ZFAT: variants seen among roughly 807,000 people sequenced by gnomAD.
The protein encoded by ZFAT is zinc finger and AT-hook domain containing, also known as zinc finger protein ZFAT.
In ZFAT, 64 loss-of-function variants were observed where a neutral mutation model predicts 117.7. The ratio of observed to expected loss-of-function variants is 0.54; its 90% confidence interval spans 0.44 to 0.67. ZFAT has a LOEUF of 0.67. Among genes scored for constraint, ZFAT ranks in the 30% least tolerant of loss-of-function variants. The pLI is 0.00. For synonymous variants in ZFAT, 679 were observed against 615.0 expected, an observed-to-expected ratio of 1.10 and a Z score of -1.54; for missense variants, 1,433 against 1,584.5, an observed-to-expected ratio of 0.90 and a Z score of 1.62.
upstream of ZFAT, among the ~76,000 whole-genome samples, chr8:134,716,143 T>TTATATATATA (rs375486869): frequency 2.7e-4 from 39 of 142,204 alleles, no homozygotes; most frequent in African/African-American, 9.5e-4. Flanking sequence ...TAAAATTTAT[T>TTATATATATA]TATATATATA....
At chr8:134,557,861 GCA>G (rs1055391162) in intron 11 of ZFAT, among the ~76,000 whole-genome samples, 2 of 152,160 alleles carry the variant, frequency 1.3e-5, no homozygotes, top group African/African-American at 2.4e-5. Flanking sequence ...ACACATGTAG[GCA>G]CACACACAGA....
chr8:134,577,833 A>T (rs1358819213), intron 10 of ZFAT, among the ~76,000 whole-genome samples: 1 of 152,208 alleles, frequency 6.6e-6, no homozygotes, highest in Non-Finnish European at 1.5e-5. Context: ...CAGTTCCAGT[A>T]ACAGAGACAA....
intron 2 of ZFAT, among the ~76,000 whole-genome samples, chr8:134,655,110 G>A (rs1174303311): frequency 2.6e-5 from 4 of 152,152 alleles, no homozygotes; most frequent in Non-Finnish European, 4.4e-5. Context: ...GCCAGCAGTC[G>A]GGGAACCGTG....
the ZFAT span, among the ~76,000 whole-genome samples, chr8:134,775,244 G>C: frequency 6.6e-6 from 1 of 152,140 alleles, no homozygotes; most frequent in Non-Finnish European, 1.5e-5. Context: ...CTCTTATACT[G>C]TCTTGTCCCC....
chr8:134,773,314 T>C, the ZFAT span, among the ~76,000 whole-genome samples: 131 of 152,300 alleles, frequency 8.6e-4, no homozygotes, highest in African/African-American at 2.9e-3. Context: ...GTTTATTAAA[T>C]ATTTTAAGCC....
rs1467924102 is a variant in ZFAT at position 134,600,677 on chromosome 8, AT to A, written c.2243-10del. On this transcript the variant is annotated splice_polypyrimidine_tract_variant and intron_variant, in intron 6 of 15. Transcript: ENST00000377838. ...GTACCAAAAAAGTTTGCCTAAAAAA[AT>A]ATTTTCACATGAGAACAAGGAAGTT... 1.3e-6 allele frequency: 2 copies of A among 1,565,414 alleles called. No individual in the cohort carries two copies. Among genetic ancestry groups the A allele is most frequent in the Non-Finnish European group, 1.7e-6 (2 of 1,156,028 alleles).
chr8:134,794,254 T>C, the ZFAT span: 2 of 152,362 alleles, frequency 1.3e-5, no homozygotes, highest in Admixed American at 1.3e-4. Context: ...ACTGTAAATA[T>C]CAGTGTTTTA....
intron 1 of ZFAT, among the ~76,000 whole-genome samples, chr8:134,665,187 G>A (rs974000534): frequency 4.6e-5 from 7 of 152,336 alleles, no homozygotes; most frequent in East Asian, 1.9e-4. Context: ...TAGGCCCTGA[G>A]GGGGAGACTG....
chr8:134,825,004 G>A, the ZFAT span, among the ~76,000 whole-genome samples: 2 of 152,152 alleles, frequency 1.3e-5, no homozygotes, highest in Non-Finnish European at 2.9e-5. Context: ...ATGACCTTCT[G>A]TCTAAAAGCC....
rs1824359342 is a variant in ZFAT at position 134,565,315 on chromosome 8, T to G, written c.2976+18A>C. On this transcript the variant is annotated intron_variant, in intron 11 of 15. Transcript: ENST00000377838. ...TTTTTTGTCTGAACATCTGCCTTCT[T>G]CTCCAGAGCCCTCTTACCTTGAAGG... is the stretch of plus-strand genomic sequence containing the variant. 6.2e-7 allele frequency: 1 copy of G among 1,612,206 alleles called. No individual in the cohort carries two copies. Among genetic ancestry groups the G allele is most frequent in the South Asian group, 1.1e-5 (1 of 90,666 alleles).
In ZFAT at chr8:134,602,126, G is replaced by C. The variant is rs1245412610; in HGVS notation, c.1593C>G (p.Leu531=). The change falls in exon 6 of 16, where the codon CTC becomes CTG. Residue 531 remains leucine, a synonymous_variant. Coordinates refer to ENST00000377838, the MANE Select transcript of ZFAT (RefSeq NM_020863.4). ...EEFALQGVNA[L]KEEACPGDTQ... ...TGTCCCCAGGACAGGCCTCTTCCTT[G>C]AGTGCATTCACGCCCTGGAGGGCAA... 6.2e-7 allele frequency: 1 copy of C among 1,612,908 alleles called. No homozygotes were observed. The highest frequency in any genetic ancestry group is 2.2e-5 in the East Asian group (1 of 44,858).
intron 12 of ZFAT, among the ~76,000 whole-genome samples, chr8:134,524,414 GC>G (rs1231660831): frequency 5.9e-5 from 9 of 152,196 alleles, no homozygotes; most frequent in Middle Eastern, 6.8e-3. Flanking sequence ...GAGAGTAACT[GC>G]CCTATTCAAA....
intron 2 of ZFAT, among the ~76,000 whole-genome samples, chr8:134,638,560 C>CAAAAAAAAAAAAAAAAA (rs1563711719): frequency 3.5e-4 from 22 of 63,018 alleles, no homozygotes; most frequent in African/African-American, 1.7e-3. Flanking sequence ...AAAAAAAAAA[C>CAAAAAAAAAAAAAAAAA]AAAACAAAAA....
chr8:134,503,418 A>G (rs968183268), intron 15 of ZFAT, among the ~76,000 whole-genome samples: 5 of 152,244 alleles, frequency 3.3e-5, no homozygotes, highest in Non-Finnish European at 5.9e-5. Context: ...CTTGAAGCAA[A>G]TAACAGTTTT....
chr8:134,601,636 T>A lies in ZFAT; in HGVS notation c.2083A>T (p.Ile695Phe), dbSNP rs745594709. 5.6e-6 allele frequency: 9 copies of A among 1,614,220 alleles called. No individual in the cohort carries two copies. Among genetic ancestry groups the A allele is most frequent in the Non-Finnish European group, 7.6e-6 (9 of 1,180,044 alleles). Residue 695 changes from isoleucine to phenylalanine, a missense_variant, in exon 6 of 16, where the codon ATC becomes TTC. Around this residue, in one of 5 missense-constraint regions of ZFAT, gnomAD observed 372 missense variants for 355.6 expected, o/e 1.05. Coordinates refer to ENST00000377838, the MANE Select transcript of ZFAT (RefSeq NM_020863.4). The stretch of plus-strand genomic sequence containing the variant: ...TTGCAAGAGTCAGGCTGATGTGTGA[T>A]GGTGTCCCCACCACCAGCTACTGGA... The part of the protein sequence containing the change: ...LPPVAGGGDT[I>F]THQPDSCKAA...
intron 1 of ZFAT, among the ~76,000 whole-genome samples, chr8:134,691,125 ACTGTGGTCAGCTGCCAC>A (rs1833564072): frequency 6.6e-6 from 1 of 152,270 alleles, no homozygotes; most frequent in South Asian, 2.1e-4. Context: ...CAGAGGCATC[ACTGTGGTCAGCTGCCAC>A]CTGTGTTTAC....
chr8:134,746,658 C>G, the ZFAT span, among the ~76,000 whole-genome samples: 1 of 152,104 alleles, frequency 6.6e-6, no homozygotes, highest in Admixed American at 6.6e-5. Flanking sequence ...GTCTGAATCT[C>G]CAATGCAGTG....
intron 11 of ZFAT, among the ~76,000 whole-genome samples, chr8:134,537,317 G>A (rs1400273668): frequency 2.0e-5 from 3 of 152,260 alleles, no homozygotes; most frequent in Non-Finnish European, 2.9e-5. Context: ...ACAGTAAAGA[G>A]ATGATTTGGT....
intron 11 of ZFAT, among the ~76,000 whole-genome samples, chr8:134,559,504 A>C (rs1823902143): frequency 6.6e-6 from 1 of 152,238 alleles, no homozygotes; most frequent in African/African-American, 2.4e-5. Flanking sequence ...AACCCTGCAC[A>C]GTAAGCATTT....
Sources: gnomAD v4.1 joint callset for allele counts (sites outside exome capture counted in the v4.1 genomes callset) on GRCh38, gnomAD v4.1.1 for gene constraint, gnomAD v4.1.1 regional missense constraint, MANE v1.5 for transcripts, NCBI Gene and HGNC (gene_info 2026-07-23, HGNC 2026-07-21) for gene names.